Variants in GRTP1 observed in about 807,000 individuals in gnomAD.
GRTP1 encodes growth hormone-regulated TBC protein 1.
Under a neutral mutation model 38.1 loss-of-function variants are expected in GRTP1, and 56 were observed. The observed-to-expected ratio is 1.47, with a 90% CI of 1.19 to 1.84. The LOEUF (loss-of-function observed/expected upper bound fraction) is 1.84, where lower values mean the gene tolerates loss of function less well. GRTP1 is among the 40% of genes most tolerant of loss of function. The pLI, the probability that GRTP1 is intolerant of heterozygous loss-of-function variation, is 0.00. For synonymous variants in GRTP1, 217 were observed against 189.5 expected, an observed-to-expected ratio of 1.14 and a Z score of -1.19; for missense variants, 506 against 453.9, an observed-to-expected ratio of 1.11 and a Z score of -1.04.
chr13:113,352,349 TTATATATATTTTA>T (rs1340181266), intron 3 of GRTP1, among the ~76,000 whole-genome samples: 1 of 107,132 alleles, frequency 9.3e-6, no homozygotes, highest in Non-Finnish European at 1.8e-5. Context: ...ATATATATAT[TTATATATATTTTA>T]TATATATATA....
chr13:113,327,236 G>C (rs2042788011), intron 5 of GRTP1, among the ~76,000 whole-genome samples: 2 of 152,178 alleles, frequency 1.3e-5, no homozygotes, highest in South Asian at 4.1e-4. Flanking sequence ...GAATGTAGTG[G>C]CATGATCTTA....
At chr13:113,325,464 CAG>C (rs2042745630) in intron 7 of GRTP1, 195 bp downstream of exon 7, 14 of 1,450,572 alleles carry the variant, frequency 9.7e-6, no homozygotes, top group Non-Finnish European at 1.3e-5. Flanking sequence ...GCCAAGAAGA[CAG>C]GGCCGCCATA....
intron 4 of GRTP1, among the ~76,000 whole-genome samples, chr13:113,346,251 G>GCTGACAGTGGAC (rs2043127032): frequency 8.4e-6 from 1 of 119,416 alleles, no homozygotes. Context: ...GACCTCTGTG[G>GCTGACAGTGGAC]CCGAGAGCAG....
intron 5 of GRTP1, among the ~76,000 whole-genome samples, chr13:113,335,372 G>A (rs1450277104): frequency 3.3e-5 from 5 of 151,636 alleles, no homozygotes; most frequent in Non-Finnish European, 2.9e-5. Flanking sequence ...GCAGTGAGCC[G>A]AGATCATGCC....
chr13:113,363,511 G>A (rs951534694), intron 2 of GRTP1, among the ~76,000 whole-genome samples: 1 of 152,128 alleles, frequency 6.6e-6, no homozygotes, highest in Non-Finnish European at 1.5e-5. Flanking sequence ...GGCATGGATC[G>A]AGTTTTGATC....
chr13:113,341,083 G>A (rs957593936), intron 5 of GRTP1, among the ~76,000 whole-genome samples: 17 of 146,196 alleles, frequency 1.2e-4, no homozygotes, highest in Non-Finnish European at 2.5e-4. Flanking sequence ...GTCTCACTCT[G>A]TCGCCCAGGC....
At chr13:113,346,277 T>C (rs2043129641) in intron 4 of GRTP1, among the ~76,000 whole-genome samples, 1 of 84,366 alleles carries the variant, frequency 1.2e-5, no homozygotes, top group Admixed American at 1.2e-4. Context: ...GGAGGACCTC[T>C]GTGGCTGAGC....
intron 5 of GRTP1, chr13:113,340,051 C>G (rs767270187): frequency 6.6e-5 from 10 of 151,966 alleles, no homozygotes; most frequent in Non-Finnish European, 1.2e-4. Flanking sequence ...CTCTGTCACC[C>G]AGGCTGCAGT....
chr13:113,325,073 AC>A (rs2042739481), intron 7 of GRTP1: 1 of 967,762 alleles, frequency 1.0e-6, no homozygotes, highest in African/African-American at 1.8e-5. Flanking sequence ...CAGGTGATCC[AC>A]ACGCCTTGGC....
intron 5 of GRTP1, among the ~76,000 whole-genome samples, chr13:113,337,709 G>A (rs1188884040): frequency 2.0e-5 from 3 of 152,358 alleles, no homozygotes; most frequent in East Asian, 3.9e-4. Context: ...CCTGACCCCA[G>A]AGACCAGCCT....
At chr13:113,341,873 G>A (rs746699411) in intron 5 of GRTP1, among the ~76,000 whole-genome samples, 14 of 152,080 alleles carry the variant, frequency 9.2e-5, no homozygotes, top group Middle Eastern at 3.2e-3. Flanking sequence ...GGCTGGTCTC[G>A]AACTTCTGGG....
intron 5 of GRTP1, among the ~76,000 whole-genome samples, chr13:113,338,936 G>A (rs576458288): frequency 2.9e-5 from 4 of 138,076 alleles, no homozygotes; most frequent in Admixed American, 7.6e-5. Context: ...TTTTTGAGAC[G>A]GAGCTTCACT....
In GRTP1 at chr13:113,348,778, G is replaced by A. The variant is rs890425872; in HGVS notation, c.465+2071C>T. Among the ~76,000 whole-genome samples the A allele has an allele frequency of 6.6e-5, 10 of 152,278 alleles. No homozygotes were observed. The highest frequency in any genetic ancestry group is 1.4e-4 in the African/African-American group (6 of 41,568). ...ACCAGGGCAAGGCCTGGGACAGTCC[G>A]TCCGTCACAGCCTCAGAAAGAACCC... On this transcript the variant is annotated intron_variant, in intron 4 of 7. Coordinates refer to ENST00000375431, the MANE Select transcript of GRTP1 (RefSeq NM_024719.4). This position sits in a 1 kb window ranked among gnomAD's most constrained non-coding sequence, Gnocchi z 4.8.
At chr13:113,352,280 A>AT (rs144650542) in intron 3 of GRTP1, among the ~76,000 whole-genome samples, 1 of 19,956 alleles carries the variant, frequency 5.0e-5, no homozygotes, top group African/African-American at 2.0e-4. Flanking sequence ...TTTTATATAT[A>AT]TTTATATATA....
At chr13:113,344,117 T>C (rs1019282388) in intron 5 of GRTP1, among the ~76,000 whole-genome samples, 10 of 152,220 alleles carry the variant, frequency 6.6e-5, no homozygotes, top group Admixed American at 2.6e-4. Flanking sequence ...CATGGATATA[T>C]ATAGCGCAAT....
At chr13:113,334,733 C>T (rs970895338) in intron 5 of GRTP1, among the ~76,000 whole-genome samples, 5 of 152,294 alleles carry the variant, frequency 3.3e-5, no homozygotes, top group Admixed American at 3.3e-4. Flanking sequence ...ACAGTGGGCT[C>T]ATCAGACAGC....
In GRTP1 at chr13:113,347,837, C is replaced by T. The variant is rs1348631420; in HGVS notation, c.466-2878G>A. Among the ~76,000 whole-genome samples the T allele has an allele frequency of 1.2e-3, 182 of 147,226 alleles. 2 individuals carry two copies. Among genetic ancestry groups the T allele is most frequent in the African/African-American group, 4.5e-3 (172 of 38,256 alleles). On this transcript the variant is annotated intron_variant, in intron 4 of 7. Transcript: ENST00000375431. ...GGACCTCTGTGGCAGAGAGCAGACC[C>T]GGGAGGACCTCTGTGGCCAAGAACA...
At chr13:113,334,782 A>G (rs143419067) in intron 5 of GRTP1, among the ~76,000 whole-genome samples, 1 of 152,252 alleles carries the variant, frequency 6.6e-6, no homozygotes, top group Non-Finnish European at 1.5e-5. Flanking sequence ...TGGAGGACTG[A>G]TGGCCTTTTC....
intron 5 of GRTP1, among the ~76,000 whole-genome samples, chr13:113,334,611 G>GA (rs974437188): frequency 6.0e-5 from 9 of 150,546 alleles, no homozygotes; most frequent in East Asian, 1.9e-4. Flanking sequence ...TCTTTAAACA[G>GA]AAAAAAAAAG....
Sources: gnomAD v4.1 joint callset for allele counts (sites outside exome capture counted in the v4.1 genomes callset) on GRCh38, gnomAD v4.1.1 for gene constraint, Gnocchi (gnomAD v3.1) non-coding constraint, MANE v1.5 for transcripts, NCBI Gene and HGNC (gene_info 2026-07-23, HGNC 2026-07-21) for gene names.